The following ST8SIA1 variants were observed in gnomAD, a reference collection of about 807,000 sequenced individuals.
ST8SIA1 encodes the protein ST8 alpha-N-acetyl-neuraminide alpha-2,8-sialyltransferase 1.
Under a neutral mutation model 35.9 loss-of-function variants are expected in ST8SIA1, and 16 were observed. The observed-to-expected ratio is 0.45, with a 90% CI of 0.30 to 0.68. The LOEUF is 0.68. Ranked by LOEUF, ST8SIA1 falls within the 30% of genes least tolerant of loss-of-function variation. The probability of loss-of-function intolerance (pLI) is 0.09; values close to 1 mark genes in which losing one functional copy is unlikely to be tolerated. For synonymous variants in ST8SIA1, 170 were observed against 169.6 expected, an observed-to-expected ratio of 1.00 and a Z score of -0.02; for missense variants, 383 against 453.6, an observed-to-expected ratio of 0.84 and a Z score of 1.41.
intron 2 of ST8SIA1, among the ~76,000 whole-genome samples, chr12:22,263,486 A>T (rs531191261): frequency 6.6e-6 from 1 of 152,282 alleles, no homozygotes; most frequent in South Asian, 2.1e-4. Flanking sequence ...TTGTTTTAGA[A>T]ATTTAAAATA....
intron 1 of ST8SIA1, among the ~76,000 whole-genome samples, chr12:22,331,650 A>G (rs1337563161): frequency 1.3e-5 from 2 of 152,250 alleles, no homozygotes; most frequent in African/African-American, 4.8e-5. Flanking sequence ...ACTGCCATAT[A>G]CTGACAATCC....
Position 22,334,116 on chromosome 12 carries a change from G to A in ST8SIA1, c.117C>T (p.Val39=), listed in dbSNP as rs1237193494. The A allele has an allele frequency of 5.6e-6, 9 of 1,613,894 alleles. No individual in the cohort carries two copies. The highest frequency in any genetic ancestry group is 1.1e-5 in the South Asian group (1 of 91,070). Residue 39 remains valine (V), a synonymous_variant, in exon 1 of 5, where the codon GTC becomes GTT. Coordinates refer to ENST00000396037, the MANE Select transcript of ST8SIA1 (RefSeq NM_003034.4). ...CGGGGAAGATGTAGAGCCAACAGAG[G>A]ACCACGACACAGAGGGCACTGGCTC... The part of the protein sequence containing the change: ...PMGASALCVV[V]LCWLYIFPVY...
chr12:22,251,188 G>A (rs890595411), intron 3 of ST8SIA1, among the ~76,000 whole-genome samples: 1 of 152,202 alleles, frequency 6.6e-6, no homozygotes, highest in Admixed American at 6.5e-5. Context: ...CTTGGAAGCA[G>A]GTGAGAATCA....
At chr12:22,306,743 T>A (rs1203709885) in intron 1 of ST8SIA1, among the ~76,000 whole-genome samples, 1 of 152,156 alleles carries the variant, frequency 6.6e-6, no homozygotes, top group Non-Finnish European at 1.5e-5. Context: ...AGAAAACAGG[T>A]CCTTCAGCTC....
In ST8SIA1 at chr12:22,198,522, TACACACACACACACACACACACAC is replaced by T. The variant is rs3063791; in HGVS notation, c.*3006_*3029del. 1 of 133,064 alleles carries T rather than the reference TACACACACACACACACACACACAC, an allele frequency of 7.5e-6. No individual in the cohort carries two copies. The allele number at this position is 133,064 out of a possible 1,614,324, so 8.2% of individuals were successfully genotyped here. ...AGGATAGAGATGCCTAACTTCATGCTACACACACACACACACACACACACACACACACACACACACACACACTCC... is the reference window on the plus strand; with the variant it reads ...AGGATAGAGATGCCTAACTTCATGCTACACACACACACACACACACACTCC... On this transcript the variant is annotated 3_prime_UTR_variant, in exon 5 of 5. Transcript: ENST00000396037.
chr12:22,332,152 C>T (rs1866776140), intron 1 of ST8SIA1, among the ~76,000 whole-genome samples: 1 of 152,270 alleles, frequency 6.6e-6, no homozygotes, highest in South Asian at 2.1e-4. Context: ...CATGGTTTTA[C>T]AGCCACTAAC....
chr12:22,240,442 C>G (rs1225895835), intron 4 of ST8SIA1, among the ~76,000 whole-genome samples: 2 of 151,886 alleles, frequency 1.3e-5, no homozygotes, highest in East Asian at 1.9e-4. Context: ...TTCTAATTCC[C>G]TTATTTCAGA....
chr12:22,255,070 C>CCTT (rs1865714589), intron 3 of ST8SIA1, among the ~76,000 whole-genome samples: 1 of 152,200 alleles, frequency 6.6e-6, no homozygotes, highest in African/African-American at 2.4e-5. Flanking sequence ...TCCGCCTGAG[C>CCTT]CTTCTTGGCT....
intron 1 of ST8SIA1, among the ~76,000 whole-genome samples, chr12:22,299,092 G>A (rs7970420): frequency 0.014 from 2,195 of 152,098 alleles, 24 homozygotes; most frequent in South Asian, 0.025. Context: ...TAAATGTAAT[G>A]GGATAAATAC....
chr12:22,247,950 A>T (rs1368112821), intron 4 of ST8SIA1, among the ~76,000 whole-genome samples: 1 of 152,196 alleles, frequency 6.6e-6, no homozygotes, highest in Non-Finnish European at 1.5e-5. Context: ...AGCTCTTATT[A>T]TATTCAGAAA....
chr12:22,251,782 G>T (rs1865673156), intron 3 of ST8SIA1, among the ~76,000 whole-genome samples: 1 of 152,210 alleles, frequency 6.6e-6, no homozygotes, highest in African/African-American at 2.4e-5. Context: ...TCTGATCAGA[G>T]AATTAATGAG....
chr12:22,211,237 C>G lies in ST8SIA1; in HGVS notation c.585-9199G>C, dbSNP rs1038381447. On this transcript the variant is annotated intron_variant, in intron 4 of 4. Coordinates refer to ENST00000396037, the MANE Select transcript of ST8SIA1 (RefSeq NM_003034.4). ...TCAGCTATCCAGAAGCTCTCCAAAC[C>G]CTGTCCTGTTAGGTTTTTATGGAAG... 2.0e-5 allele frequency among the ~76,000 whole-genome samples: 3 copies of G among 152,332 alleles called. No individual in the cohort carries two copies. The South Asian group carries it at 6.2e-4, about 32-fold the overall frequency.
At chr12:22,271,969 G>A (rs557104168) in intron 2 of ST8SIA1, among the ~76,000 whole-genome samples, 216 of 152,232 alleles carry the variant, frequency 1.4e-3, no homozygotes, top group Non-Finnish European at 2.7e-3. Flanking sequence ...TTATTCATAT[G>A]ATAACACTTT....
At chr12:22,273,068 A>G (rs1317140819) in intron 2 of ST8SIA1, among the ~76,000 whole-genome samples, 1 of 152,168 alleles carries the variant, frequency 6.6e-6, no homozygotes, top group Non-Finnish European at 1.5e-5. Context: ...AGTCTGGGAC[A>G]GTTATTCTGA....
intron 2 of ST8SIA1, among the ~76,000 whole-genome samples, chr12:22,283,092 G>C (rs1866056526): frequency 6.6e-6 from 1 of 152,112 alleles, no homozygotes; most frequent in African/African-American, 2.4e-5. Flanking sequence ...GCAGGTCCAG[G>C]CTCAGTGGAA....
intron 1 of ST8SIA1, 74 bp from the exon 2 acceptor site, chr12:22,287,367 CA>C: frequency 6.7e-7 from 1 of 1,501,040 alleles, no homozygotes; most frequent in Non-Finnish European, 9.0e-7. Context: ...TTGTCATTCC[CA>C]CAGAGATGTG....
chr12:22,310,384 T>C (rs1045764630), intron 1 of ST8SIA1, among the ~76,000 whole-genome samples: 4 of 152,140 alleles, frequency 2.6e-5, no homozygotes, highest in East Asian at 1.9e-4. Context: ...CTTGTGTCTA[T>C]AAGGGGCCTG....
At chr12:22,299,002 G>A (rs1430244135) in intron 1 of ST8SIA1, among the ~76,000 whole-genome samples, 1 of 152,042 alleles carries the variant, frequency 6.6e-6, no homozygotes, top group Non-Finnish European at 1.5e-5. Context: ...AGTGAATAAA[G>A]AAGCGACAAC....
intron 1 of ST8SIA1, among the ~76,000 whole-genome samples, chr12:22,331,465 A>G (rs1253521149): frequency 6.6e-6 from 1 of 152,246 alleles, no homozygotes; most frequent in African/African-American, 2.4e-5. Context: ...TTGTGAATAA[A>G]TGCACCTATA....
Sources: allele counts gnomAD v4.1 joint callset (sites outside exome capture counted in the v4.1 genomes callset), GRCh38; gene constraint gnomAD v4.1.1; transcripts MANE v1.5; gene names NCBI Gene and HGNC (gene_info 2026-07-23, HGNC 2026-07-21).